GALNT13: variants seen among roughly 807,000 people sequenced by gnomAD.
GALNT13 encodes polypeptide N-acetylgalactosaminyltransferase 13.
In GALNT13, 28 loss-of-function variants were observed where a neutral mutation model predicts 64.2. That is an observed-to-expected ratio of 0.44 (90% CI 0.32 to 0.60). The LOEUF is 0.60. Among genes scored for constraint, GALNT13 ranks in the 20% least tolerant of loss-of-function variants. The pLI is 0.05. For missense variants in GALNT13, 577 were observed against 669.8 expected (o/e 0.86, Z 1.53); for synonymous variants, 214 against 224.6 (o/e 0.95, Z 0.42).
At chr2:154,368,641 CTTG>C (rs1340691650) in intron 9 of GALNT13, among the ~76,000 whole-genome samples, 1 of 152,092 alleles carries the variant, frequency 6.6e-6, no homozygotes, top group Non-Finnish European at 1.5e-5. Context: ...ATGCCATTGA[CTTG>C]TTATTGGATG....
At chr2:153,937,496 G>A (rs1691025655) in intron 2 of GALNT13, among the ~76,000 whole-genome samples, 2 of 152,158 alleles carry the variant, frequency 1.3e-5, no homozygotes, top group Non-Finnish European at 2.9e-5. Flanking sequence ...AGGATTGAGG[G>A]TTCTAGCAAA....
the GALNT13 span, among the ~76,000 whole-genome samples, chr2:153,110,138 A>G: frequency 6.6e-6 from 1 of 152,174 alleles, no homozygotes; most frequent in African/African-American, 2.4e-5. Context: ...TGATGAAACT[A>G]AATCATTCCA....
chr2:154,257,507 A>G (rs1451513369), intron 7 of GALNT13: 1 of 152,184 alleles, frequency 6.6e-6, no homozygotes. Flanking sequence ...GGTGAGGGTC[A>G]TGGCTACTTC....
At chr2:154,292,969 C>T (rs1692727992) in intron 8 of GALNT13, among the ~76,000 whole-genome samples, 1 of 152,114 alleles carries the variant, frequency 6.6e-6, no homozygotes, top group Non-Finnish European at 1.5e-5. Context: ...AGTAGATAAT[C>T]AAATGAGCAA....
chr2:154,250,391 G>T (rs1260951083), intron 7 of GALNT13, among the ~76,000 whole-genome samples: 2 of 151,832 alleles, frequency 1.3e-5, no homozygotes, highest in African/African-American at 4.8e-5. Flanking sequence ...CCCCACATAG[G>T]TTTTAATGGC....
At chr2:153,307,446 G>T in the GALNT13 span, among the ~76,000 whole-genome samples, 3 of 151,676 alleles carry the variant, frequency 2.0e-5, no homozygotes, top group African/African-American at 7.3e-5. Flanking sequence ...GTAAATAAAT[G>T]GCATTAAATT....
the GALNT13 span, among the ~76,000 whole-genome samples, chr2:153,537,184 G>C: frequency 0.018 from 2,710 of 152,312 alleles, 69 homozygotes; most frequent in African/African-American, 0.061. Flanking sequence ...ACATGAGAGA[G>C]AGATATGAAG....
the GALNT13 span, among the ~76,000 whole-genome samples, chr2:153,291,289 A>G: frequency 1.3e-5 from 2 of 152,164 alleles, no homozygotes; most frequent in Non-Finnish European, 2.9e-5. Flanking sequence ...TATTTTAGCA[A>G]TTTTTATCTT....
chr2:154,053,248 A>G (rs1699734298), intron 3 of GALNT13, among the ~76,000 whole-genome samples: 1 of 152,220 alleles, frequency 6.6e-6, no homozygotes, highest in African/African-American at 2.4e-5. Context: ...GAACTGGTTG[A>G]GTAAATTTGA....
At chr2:153,631,034 C>T in the GALNT13 span, among the ~76,000 whole-genome samples, 2 of 151,290 alleles carry the variant, frequency 1.3e-5, no homozygotes, top group African/African-American at 4.9e-5. Context: ...TTGTTCAATT[C>T]CCATCTATGA....
At chr2:154,371,597 TGAG>T (rs1053853929) in intron 9 of GALNT13, among the ~76,000 whole-genome samples, 4 of 151,982 alleles carry the variant, frequency 2.6e-5, no homozygotes, top group Non-Finnish European at 4.4e-5. Flanking sequence ...GGAAATTTCT[TGAG>T]GAGGGCAGAG....
At chr2:153,765,035 A>C in the GALNT13 span, among the ~76,000 whole-genome samples, 10 of 152,246 alleles carry the variant, frequency 6.6e-5, no homozygotes, top group Non-Finnish European at 1.3e-4. Flanking sequence ...CTGGATGTCC[A>C]GGCAGAGATG....
At chr2:153,397,432 C>G in the GALNT13 span, among the ~76,000 whole-genome samples, 1 of 152,072 alleles carries the variant, frequency 6.6e-6, no homozygotes, top group Non-Finnish European at 1.5e-5. Flanking sequence ...ATTGTATTCA[C>G]TGGTGCACTG....
the GALNT13 span, among the ~76,000 whole-genome samples, chr2:153,819,691 G>A: frequency 5.3e-4 from 80 of 152,304 alleles, no homozygotes; most frequent in African/African-American, 1.9e-3. Context: ...GTTCTTTCCT[G>A]CAAGCACCAT....
intron 12 of GALNT13, among the ~76,000 whole-genome samples, chr2:154,444,240 T>C (rs2105488528): frequency 6.6e-6 from 1 of 152,248 alleles, no homozygotes; most frequent in Non-Finnish European, 1.5e-5. Flanking sequence ...AGGGTTGATA[T>C]ACCTAATAAA....
At chr2:154,393,755 A>G (rs1698909448) in intron 9 of GALNT13, among the ~76,000 whole-genome samples, 1 of 152,172 alleles carries the variant, frequency 6.6e-6, no homozygotes. Flanking sequence ...TCTGAAGTGG[A>G]CAATTAATGT....
chr2:153,630,811 T>TTTATTA, the GALNT13 span, among the ~76,000 whole-genome samples: 2 of 25,832 alleles, frequency 7.7e-5, no homozygotes, highest in Admixed American at 4.4e-4. Context: ...ATATATATTT[T>TTTATTA]TTTTTTTTTT....
chr2:153,199,132 T>C, the GALNT13 span, among the ~76,000 whole-genome samples: 1 of 152,254 alleles, frequency 6.6e-6, no homozygotes, highest in Non-Finnish European at 1.5e-5. Context: ...CCCAGGTTTC[T>C]TGGGTCGGCC....
At chr2:153,841,745 T>A in the GALNT13 span, among the ~76,000 whole-genome samples, 11 of 152,180 alleles carry the variant, frequency 7.2e-5, no homozygotes, top group African/African-American at 2.7e-4. Context: ...TATGGTTTGA[T>A]CTCAAGTTTA....
Sources: allele counts gnomAD v4.1 joint callset (sites outside exome capture counted in the v4.1 genomes callset), GRCh38; gene constraint gnomAD v4.1.1; transcripts MANE v1.5; gene names NCBI Gene and HGNC (gene_info 2026-07-23, HGNC 2026-07-21).